Variants in ZNF512B observed in about 807,000 individuals in gnomAD.
The protein encoded by ZNF512B is zinc finger protein 512B.
ZNF512B carries 22 observed loss-of-function variants against 87.8 expected under a neutral mutation model. The ratio of observed to expected loss-of-function variants is 0.25; its 90% CI spans 0.18 to 0.36. The LOEUF is 0.36. Ranked by LOEUF, ZNF512B falls within the 10% of genes least tolerant of loss-of-function variation. ZNF512B has a pLI of 1.00. For synonymous variants in ZNF512B, 524 were observed against 490.9 expected (o/e 1.07, Z -0.89); for missense variants, 1,060 against 1,231.6 (o/e 0.86, Z 2.09).
intron 2 of ZNF512B, 22 bp from the exon 3 acceptor site, chr20:63,967,545 G>A: frequency 6.3e-7 from 1 of 1,575,808 alleles, no homozygotes; most frequent in Non-Finnish European, 8.6e-7. Flanking sequence ...AACACAGCAA[G>A]GCTCGGAAGC....
Position 63,966,470 on chromosome 20 carries a change from T to C in ZNF512B, c.705A>G (p.Pro235=), listed in dbSNP as rs952989337. 2.5e-6 allele frequency: 4 copies of C among 1,613,834 alleles called. No homozygotes were observed. Among genetic ancestry groups the C allele is most frequent in the East Asian group, 2.2e-5 (1 of 44,838 alleles). ...TGCTGACTGTGACAGGTTTGGTGAC[T>C]GGCACGGGCCTAGTGACCGGGATGG... The part of the protein sequence containing the change: ...TKAIPVTRPV[P]VTKPVTVSRP... The change falls in exon 5 of 17, where the codon CCA becomes CCG. Residue 235 remains proline, a synonymous_variant. Coordinates refer to ENST00000369888, the MANE Select transcript of ZNF512B (RefSeq NM_020713.3).
chr20:63,964,002 C>G (rs1348793758), intron 8 of ZNF512B, 69 bp downstream of exon 8: 1 of 1,594,528 alleles, frequency 6.3e-7, no homozygotes, highest in Non-Finnish European at 8.5e-7. Flanking sequence ...ACACTCAGCC[C>G]CCATCCCTGT....
Position 63,964,171 on chromosome 20 carries a change from C to A in ZNF512B, c.1380G>T (p.Lys460Asn), listed in dbSNP as rs2058893560. 6.3e-7 allele frequency: 1 copy of A among 1,599,022 alleles called. No individual in the cohort carries two copies. Among genetic ancestry groups the A allele is most frequent in the South Asian group, 1.1e-5 (1 of 88,992 alleles). ...CGTCCTCAGGGCCTGGCCCCTCCTG[C>A]TTCTTGGAGCGGTGAACTCGGGCCT... ...EDKARVHRSK[K>N]QEGPGPEDAR... The change falls in exon 8 of 17, where the codon AAG (lysine) becomes AAT (asparagine). Residue 460 changes from lysine to asparagine, a missense_variant. Lys to Asn is a moderately conservative substitution (Grantham distance 94). Transcript: ENST00000369888.
rs1038381978 is a variant in ZNF512B, at chr20:63,958,490, T to C, written c.*1398A>G. The C allele has an allele frequency of 6.6e-6, 1 of 152,274 alleles. No individual in the cohort carries two copies. The highest frequency in any genetic ancestry group is 1.5e-5 in the Non-Finnish European group (1 of 68,040). The allele number at this position is 152,274 out of a possible 1,614,324, so 9.4% of individuals were successfully genotyped here. A position where few individuals can be genotyped will look rare whatever the true frequency, so the allele number is the denominator to read the frequency against. On this transcript the variant is annotated 3_prime_UTR_variant, in exon 17 of 17. Transcript: ENST00000369888. ...CGGGCAAACATCAAAATTCTCATCG[T>C]CCAGGGTCAGTGGGGCCGAGCCCTC...
rs1327254400 is a variant in ZNF512B at position 63,961,391 on chromosome 20, C to T, written c.2345G>A (p.Gly782Glu). 6.2e-7 allele frequency: 1 copy of T among 1,612,118 alleles called. No individual in the cohort carries two copies. Among genetic ancestry groups the T allele is most frequent in the African/African-American group, 1.3e-5 (1 of 74,942 alleles). The change falls in exon 16 of 17, where the codon GGG becomes GAG. Residue 782 changes from glycine (G) to glutamate (E), a missense_variant. Gly to Glu is a moderately conservative substitution (Grantham distance 98, BLOSUM62 -2). Transcript: ENST00000369888. The surrounding 1 kb of genome is among the most constrained non-coding windows in gnomAD (Gnocchi z 6.4). ...CGGACACAGCAGACAGCGGTACTTC[C>T]CTGCCAGGTGGGCCCCCTGCAATGC... is the stretch of plus-strand genomic sequence containing the variant. ...ASCSKGAHLA[G>E]KYRCLLCPKE...
chr20:63,957,362 G>A lies in ZNF512B; in HGVS notation c.*2526C>T, dbSNP rs956373001. ...GGCCGGCGCCCACCACACTCTGGGGGTCAGCTATGCTGGTCCCTCTCACTG... is the reference window on the plus strand; with the variant it reads ...GGCCGGCGCCCACCACACTCTGGGGATCAGCTATGCTGGTCCCTCTCACTG... On this transcript the variant is annotated 3_prime_UTR_variant, in exon 17 of 17. Transcript: ENST00000369888. The A allele has an allele frequency of 2.6e-5, 4 of 152,554 alleles. No individual in the cohort carries two copies. Among genetic ancestry groups the A allele is most frequent in the East Asian group, 1.9e-4 (1 of 5,188 alleles). The allele number at this position is 152,554 out of a possible 1,614,324, so 9.5% of individuals were successfully genotyped here.
intron 16 of ZNF512B, among the ~76,000 whole-genome samples, chr20:63,960,760 A>C (rs1601472512): frequency 7.5e-5 from 9 of 120,118 alleles, no homozygotes; most frequent in African/African-American, 1.6e-4. Flanking sequence ...AAGCACCTGC[A>C]GCAGGGCTGG....
In ZNF512B at chr20:63,959,633, GA is replaced by G. The variant is rs1649599554; in HGVS notation, c.*254del. On this transcript the variant is annotated 3_prime_UTR_variant, in exon 17 of 17. Transcript: ENST00000369888. ...AAGACCCCAGACACATTCCCATGAG[GA>G]GGGGCAACCCTCCTGGCTATTGCAC... is the stretch of plus-strand genomic sequence containing the variant. 2.0e-6 allele frequency: 1 copy of G among 502,154 alleles called. No homozygotes were observed. The highest frequency in any genetic ancestry group is 3.2e-5 in the East Asian group (1 of 30,926). The allele number at this position is 502,154 out of a possible 1,614,324, so 31.1% of individuals were successfully genotyped here.
chr20:63,959,030 G>A lies in ZNF512B; in HGVS notation c.*858C>T. 6.5e-6 allele frequency: 1 copy of A among 152,788 alleles called. No homozygotes were observed. The highest frequency in any genetic ancestry group is 1.5e-5 in the Non-Finnish European group (1 of 68,372). 9.5% of individuals were successfully genotyped at this position (152,788 alleles called of 1,614,324 possible). On this transcript the variant is annotated 3_prime_UTR_variant, in exon 17 of 17. Coordinates refer to ENST00000369888, the MANE Select transcript of ZNF512B (RefSeq NM_020713.3). ...TAGTCCGTCCCTACTCCACGAGGCT[G>A]CTCCAACCTAGGCCTGCAGTGCCAG...
At position 63,966,957 on chromosome 20, in the gene ZNF512B, C is replaced by T. The variant is rs2058934798; in HGVS notation, c.312G>A (p.Arg104=). 2.5e-6 allele frequency: 4 copies of T among 1,613,746 alleles called. No homozygotes were observed. The highest frequency in any genetic ancestry group is 2.2e-5 in the South Asian group (2 of 91,088). ...DWKDEFKAHS[R]VKCPNSGCWL... ...AGCACCCTGAGTTTGGACACTTCAC[C>T]CTCGAGTGTGCCTTGAACTCATCCT... The change falls in exon 4 of 17, where the codon AGG becomes AGA. Residue 104 remains arginine (R), a synonymous_variant. Transcript: ENST00000369888.
chr20:63,968,031 C>T, intron 1 of ZNF512B, 79 bp from the exon 2 acceptor site: 1 of 1,531,570 alleles, frequency 6.5e-7, no homozygotes, highest in Non-Finnish European at 8.8e-7. Flanking sequence ...GGAGCCCTGC[C>T]CTTGGCAGGT....
rs981982620 is a variant in ZNF512B, at chr20:63,963,330, C to A, written c.1797+12G>T. On this transcript the variant is annotated intron_variant, in intron 11 of 16. Transcript: ENST00000369888. ...GCCCCCCCACCCCACACTGCCGCGG[C>A]CCCCCACTGACCTCCTGGGGGCAGC... 2.0e-6 allele frequency: 3 copies of A among 1,504,410 alleles called. No individual in the cohort carries two copies. The highest frequency in any genetic ancestry group is 2.7e-5 in the African/African-American group (2 of 72,802). The allele number at this position is 1,504,410 out of a possible 1,614,324, so 93.2% of individuals were successfully genotyped here.
Position 63,963,599 on chromosome 20 carries a change from G to C in ZNF512B, c.1698+19C>G, listed in dbSNP as rs2058882372. ...AGGTCAGAGGTCACGCTGGACGGGAGCTGGGGGCCCGACGGTACCTTGGCA... is the reference window on the plus strand; with the variant it reads ...AGGTCAGAGGTCACGCTGGACGGGACCTGGGGGCCCGACGGTACCTTGGCA... On this transcript the variant is annotated intron_variant, in intron 10 of 16. Coordinates refer to ENST00000369888, the MANE Select transcript of ZNF512B (RefSeq NM_020713.3). The C allele has an allele frequency of 1.9e-6, 3 of 1,612,720 alleles. No homozygotes were observed. Among genetic ancestry groups the C allele is most frequent in the Non-Finnish European group, 2.5e-6 (3 of 1,179,816 alleles).
Position 63,958,906 on chromosome 20 carries a change from G to A in ZNF512B, c.*982C>T, listed in dbSNP as rs2058822240. On this transcript the variant is annotated 3_prime_UTR_variant, in exon 17 of 17. Coordinates refer to ENST00000369888, the MANE Select transcript of ZNF512B (RefSeq NM_020713.3). ...GGCCTACCCAGATTGGCAGACAGAA[G>A]GCTGCCTTTCCCCCAGTGGCCACTC... The A allele has an allele frequency of 6.6e-6, 1 of 152,404 alleles. No homozygotes were observed. Among genetic ancestry groups the A allele is most frequent in the African/African-American group, 2.4e-5 (1 of 41,468 alleles). The allele number at this position is 152,404 out of a possible 1,614,324, so 9.4% of individuals were successfully genotyped here. A position where few individuals can be genotyped will look rare whatever the true frequency, so the allele number is the denominator to read the frequency against.
At position 63,969,687 on chromosome 20, in the gene ZNF512B, C is replaced by T. The variant is rs2058961525; in HGVS notation, c.-3+127G>A. 2.8e-5 allele frequency: 3 copies of T among 105,464 alleles called. No individual in the cohort carries two copies. The South Asian group carries it at 9.9e-4, about 35-fold the overall frequency. The allele number at this position is 105,464 out of a possible 1,614,324, so 6.5% of individuals were successfully genotyped here. ...CCGGCGCGGGGCGCGGGGGCTCGGG[C>T]GCGGCGGGGGGCGGGGGGGCTCCGG... On this transcript the variant is annotated intron_variant, in intron 1 of 16. Coordinates refer to ENST00000369888, the MANE Select transcript of ZNF512B (RefSeq NM_020713.3).
chr20:63,967,452 C>G lies in ZNF512B; in HGVS notation c.193G>C (p.Ala65Pro), dbSNP rs1335777362. Residue 65 changes from alanine to proline, a missense_variant, in exon 3 of 17, where the codon GCC becomes CCC. Physicochemically the swap from Ala to Pro is conservative, Grantham distance 27 (BLOSUM62 -1). This residue lies in a region of ZNF512B where 134 missense variants were observed against 153.6 expected (regional missense o/e 0.87). Coordinates refer to ENST00000369888, the MANE Select transcript of ZNF512B (RefSeq NM_020713.3). Reference protein sequence around the residue: ...APLCFDPGSPASDKTEGKKKG... With the variant: ...APLCFDPGSPPSDKTEGKKKG... ...TTCTTCCCTTCTGTCTTGTCACTGG[C>G]TGGACTTCCCGGGTCAAAGCAGAGA... The G allele has an allele frequency of 1.9e-6, 3 of 1,613,298 alleles. No individual in the cohort carries two copies. In the African/African-American group the frequency reaches 4.0e-5, roughly 22 times the overall value.
chr20:63,962,845 G>C, intron 12 of ZNF512B, 64 bp from the exon 13 acceptor site: 5 of 1,466,220 alleles, frequency 3.4e-6, no homozygotes, highest in Non-Finnish European at 4.5e-6. Flanking sequence ...GTCAGCGCGC[G>C]GCGAGGCCAC....
In ZNF512B at chr20:63,957,255, C is replaced by T. The variant is rs546689872; in HGVS notation, c.*2633G>A. 3 of 152,744 alleles carry T rather than the reference C, an allele frequency of 2.0e-5. No individual in the cohort carries two copies. Among genetic ancestry groups the T allele is most frequent in the South Asian group, 2.1e-4 (1 of 4,830 alleles). The allele number at this position is 152,744 out of a possible 1,614,324, so 9.5% of individuals were successfully genotyped here. A position where few individuals can be genotyped will look rare whatever the true frequency, so the allele number is the denominator to read the frequency against. On this transcript the variant is annotated 3_prime_UTR_variant, in exon 17 of 17. Transcript: ENST00000369888. ...GGCCCGGTGAGTCAGCCCTTCCGGG[C>T]CCTTTCCTGTTCTCAGGGCAGGGGG... is the stretch of plus-strand genomic sequence containing the variant.
intron 2 of ZNF512B, 80 bp from the exon 3 acceptor site, chr20:63,967,603 AC>A: frequency 6.6e-7 from 1 of 1,506,352 alleles, no homozygotes; most frequent in Non-Finnish European, 8.9e-7. Flanking sequence ...CACAGTGAGC[AC>A]CGCTGTCCCA....
Sources: allele counts gnomAD v4.1 joint callset (sites outside exome capture counted in the v4.1 genomes callset), GRCh38; gene constraint gnomAD v4.1.1; regional missense constraint gnomAD v4.1.1; non-coding constraint Gnocchi (gnomAD v3.1); transcripts MANE v1.5; gene names NCBI Gene and HGNC (gene_info 2026-07-23, HGNC 2026-07-21).